PPDPFL: variants seen among roughly 807,000 people sequenced by gnomAD.
PPDPFL encodes pancreatic progenitor cell differentiation and proliferation factor-like protein.
Under a neutral mutation model 12.6 loss-of-function variants are expected in PPDPFL, and 12 were observed. The ratio of observed to expected loss-of-function variants is 0.95; its 90% confidence interval spans 0.61 to 1.54. The LOEUF (loss-of-function observed/expected upper bound fraction) is 1.54. Among genes scored for constraint, PPDPFL ranks in the 40% most tolerant of loss-of-function variants. The probability of loss-of-function intolerance (pLI) is 0.00; values close to 1 mark genes in which losing one functional copy is unlikely to be tolerated. For missense variants in PPDPFL, 114 were observed against 96.0 expected, an observed-to-expected ratio of 1.19 and a Z score of -0.78; for synonymous variants, 24 against 32.7, an observed-to-expected ratio of 0.73 and a Z score of 0.91.
chr8:49,066,662 G>A (rs746741543), intron 1 of PPDPFL, among the ~76,000 whole-genome samples: 2 of 152,144 alleles, frequency 1.3e-5, no homozygotes, highest in Non-Finnish European at 2.9e-5. Context: ...GTAATATTAT[G>A]TTGTTTTGGG....
At chr8:49,056,224 C>T (rs1808110250) in intron 1 of PPDPFL, among the ~76,000 whole-genome samples, 1 of 152,196 alleles carries the variant, frequency 6.6e-6, no homozygotes, top group Non-Finnish European at 1.5e-5. Context: ...CTCACTTGCT[C>T]AGCTGAATTC....
upstream of PPDPFL, among the ~76,000 whole-genome samples, chr8:49,069,090 C>T (rs1424814611): frequency 6.6e-6 from 1 of 152,122 alleles, no homozygotes; most frequent in Non-Finnish European, 1.5e-5. Flanking sequence ...ATTAAACAAA[C>T]AGCACAAAGG....
chr8:49,075,031 A>G, intron 4 of PPDPFL, 121 bp from the exon 5 acceptor site: 1 of 1,467,400 alleles, frequency 6.8e-7, no homozygotes, highest in Non-Finnish European at 9.2e-7. Context: ...AAGCCAATGC[A>G]AGATTGATTG....
chr8:49,075,167 T>G lies in PPDPFL; in HGVS notation c.249T>G (p.Thr83=). Residue 83 remains threonine (T), a synonymous_variant, in exon 5 of 5, where the codon ACT becomes ACG. Transcript: ENST00000522267. ...DLSATGLQMS[T]L is the part of the protein sequence containing the mutation. Reference sequence around the variant, plus strand: ...ATCAACCCAGATTACAGATGAGCACTTTGTAGCTGATCATCTTTGCACTGC... The same window carrying G: ...ATCAACCCAGATTACAGATGAGCACGTTGTAGCTGATCATCTTTGCACTGC... 1 of 1,613,294 alleles carries G rather than the reference T, an allele frequency of 6.2e-7. No individual in the cohort carries two copies. The highest frequency in any genetic ancestry group is 8.5e-7 in the Non-Finnish European group (1 of 1,179,258).
At chr8:49,063,527 C>G (rs1195388637) in intron 1 of PPDPFL, among the ~76,000 whole-genome samples, 1 of 152,048 alleles carries the variant, frequency 6.6e-6, no homozygotes, top group Non-Finnish European at 1.5e-5. Flanking sequence ...CGAGACCAGC[C>G]TGGGCAACAT....
Position 49,055,599 on chromosome 8 carries a change from G to C in PPDPFL, c.-45+1230G>C, listed in dbSNP as rs2129243105. Among the ~76,000 whole-genome samples the C allele has an allele frequency of 1.3e-5, 2 of 152,250 alleles. 1 individual carries two copies. The highest frequency in any genetic ancestry group is 6.8e-3 in the Middle Eastern group (2 of 294). Reference sequence around the variant, plus strand: ...AGGACTTATATCTATGAATAATGAAGTAATATCTGTGAATAATAAATGCCA... The same window carrying C: ...AGGACTTATATCTATGAATAATGAACTAATATCTGTGAATAATAAATGCCA... On this transcript the variant is annotated intron_variant, in intron 1 of 4. Transcript: ENST00000517663.
Position 49,075,574 on chromosome 8 carries a change from T to G in PPDPFL, c.*401T>G. On this transcript the variant is annotated 3_prime_UTR_variant, in exon 5 of 5. Coordinates refer to ENST00000522267, the MANE Select transcript of PPDPFL (RefSeq NM_001256597.2). The stretch of plus-strand genomic sequence containing the variant: ...TAGCTCTTTCATTTTTTATATCATT[T>G]TTATTAAAAAAACTTAAGTTAGACT... 1 of 334,716 alleles carries G rather than the reference T, an allele frequency of 3.0e-6. No homozygotes were observed. Among genetic ancestry groups the G allele is most frequent in the Non-Finnish European group, 5.5e-6 (1 of 182,304 alleles). 20.7% of individuals were successfully genotyped at this position (334,716 alleles called of 1,614,324 possible). A position where few individuals can be genotyped will look rare whatever the true frequency, so the allele number is the denominator to read the frequency against.
chr8:49,071,846 G>A (rs2129245823), upstream of PPDPFL, among the ~76,000 whole-genome samples: 1 of 148,998 alleles, frequency 6.7e-6, no homozygotes, highest in South Asian at 2.2e-4. Flanking sequence ...TGTCCATCAA[G>A]TTCCACTGAC....
In PPDPFL at chr8:49,075,520, T is replaced by C. The variant is rs1808481724; in HGVS notation, c.*347T>C. The stretch of plus-strand genomic sequence containing the variant: ...AACAAGACACCCTTTTAAAGTAATA[T>C]GTCTTCAAATGTTGTGACTTACATA... On this transcript the variant is annotated 3_prime_UTR_variant, in exon 5 of 5. Coordinates refer to ENST00000522267, the MANE Select transcript of PPDPFL (RefSeq NM_001256597.2). 1.9e-6 allele frequency: 1 copy of C among 524,834 alleles called. No individual in the cohort carries two copies. Among genetic ancestry groups the C allele is most frequent in the East Asian group, 3.1e-5 (1 of 32,290 alleles). 32.5% of individuals were successfully genotyped at this position (524,834 alleles called of 1,614,324 possible).
intron 1 of PPDPFL, among the ~76,000 whole-genome samples, chr8:49,058,249 A>G (rs977573603): frequency 2.0e-5 from 3 of 152,212 alleles, no homozygotes; most frequent in African/African-American, 4.8e-5. Context: ...CTATGAAATA[A>G]AAGTCTTACT....
intron 1 of PPDPFL, among the ~76,000 whole-genome samples, chr8:49,055,747 A>G (rs564443614): frequency 6.6e-6 from 1 of 152,234 alleles, no homozygotes; most frequent in South Asian, 2.1e-4. Flanking sequence ...CCCTTGGTCT[A>G]GACACCATGG....
chr8:49,056,387 C>G (rs1315356271), intron 1 of PPDPFL, among the ~76,000 whole-genome samples: 1 of 151,986 alleles, frequency 6.6e-6, no homozygotes, highest in Non-Finnish European at 1.5e-5. Context: ...GTTTCTTAGA[C>G]TCTATCTAAA....
At chr8:49,074,684 TG>T (rs1808460359) in intron 4 of PPDPFL, 2 of 1,490,944 alleles carry the variant, frequency 1.3e-6, no homozygotes, top group South Asian at 2.7e-5. Flanking sequence ...GTCTAGTTGT[TG>T]TCTTAAATAA....
intron 4 of PPDPFL, chr8:49,074,821 T>C (rs1374139417): frequency 1.4e-6 from 2 of 1,417,246 alleles, no homozygotes; most frequent in Non-Finnish European, 1.8e-6. Context: ...ACTAGCACAG[T>C]TGTAATTTAA....
intron 1 of PPDPFL, among the ~76,000 whole-genome samples, chr8:49,054,602 T>C (rs923603601): frequency 2.7e-4 from 41 of 152,072 alleles, no homozygotes; most frequent in Admixed American, 1.1e-3. Flanking sequence ...TATTTCACAT[T>C]GTTAACCTTC....
upstream of PPDPFL, among the ~76,000 whole-genome samples, chr8:49,067,511 G>GCA (rs1331291367): frequency 6.6e-6 from 1 of 152,196 alleles, no homozygotes; most frequent in Non-Finnish European, 1.5e-5. Context: ...CTCTCATACT[G>GCA]CACACATGGC....
At chr8:49,069,524 T>TA (rs1478845929), upstream of PPDPFL, among the ~76,000 whole-genome samples, 1 of 152,210 alleles carries the variant, frequency 6.6e-6, no homozygotes, top group Admixed American at 6.5e-5. Context: ...AAGGAACGCT[T>TA]ATACGCTGTT....
intron 1 of PPDPFL, among the ~76,000 whole-genome samples, chr8:49,066,586 C>T (rs1808304707): frequency 6.6e-6 from 1 of 152,100 alleles, no homozygotes; most frequent in Non-Finnish European, 1.5e-5. Context: ...TAAGAGAGGG[C>T]ACTCTGAGCC....
intron 1 of PPDPFL, among the ~76,000 whole-genome samples, chr8:49,058,083 C>T (rs925754820): frequency 6.6e-6 from 1 of 152,108 alleles, no homozygotes; most frequent in African/African-American, 2.4e-5. Flanking sequence ...ATTTTATTAG[C>T]CCTCATCAAC....
Sources: gnomAD v4.1 joint callset for allele counts (sites outside exome capture counted in the v4.1 genomes callset) on GRCh38, gnomAD v4.1.1 for gene constraint, MANE v1.5 for transcripts, NCBI Gene and HGNC (gene_info 2026-07-23, HGNC 2026-07-21) for gene names.